PDE1C: variants seen among roughly 807,000 people sequenced by gnomAD.
The protein encoded by PDE1C is phosphodiesterase 1C, also known as dual specificity calcium/calmodulin-dependent 3',5'-cyclic nucleotide phosphodiesterase 1C.
In PDE1C, 62 loss-of-function variants were observed where a neutral mutation model predicts 93.1. That is an observed-to-expected ratio of 0.67 (90% CI 0.54 to 0.82). The LOEUF (loss-of-function observed/expected upper bound fraction) is 0.82, where lower values mean the gene tolerates loss of function less well. Ranked by LOEUF, PDE1C falls within the 40% of genes least tolerant of loss-of-function variation. The probability of loss-of-function intolerance (pLI) is 0.00; values close to 1 mark genes in which losing one functional copy is unlikely to be tolerated. For missense variants in PDE1C, 742 were observed against 884.6 expected (o/e 0.84, Z 2.04); for synonymous variants, 325 against 310.1 (o/e 1.05, Z -0.50).
At chr7:32,186,855 T>C (rs998858765) in intron 2 of PDE1C, among the ~76,000 whole-genome samples, 22 of 152,214 alleles carry the variant, frequency 1.4e-4, no homozygotes, top group African/African-American at 4.8e-4. Flanking sequence ...ACGCAAGATC[T>C]ATCCTATGGC....
At chr7:32,027,447 C>G (rs942467729) in intron 2 of PDE1C, among the ~76,000 whole-genome samples, 1 of 151,668 alleles carries the variant, frequency 6.6e-6, no homozygotes, top group African/African-American at 2.4e-5. Context: ...TTTGTTTGTG[C>G]TTATATGTGT....
chr7:32,273,599 G>C (rs1811103494), intron 1 of PDE1C, among the ~76,000 whole-genome samples: 1 of 152,194 alleles, frequency 6.6e-6, no homozygotes, highest in South Asian at 2.1e-4. Context: ...TCAGGGCTCA[G>C]GTGGCAGGAC....
intron 1 of PDE1C, among the ~76,000 whole-genome samples, chr7:32,393,013 C>T (rs954344360): frequency 1.5e-4 from 20 of 132,352 alleles, no homozygotes; most frequent in African/African-American, 4.2e-4. Context: ...TATGCCACTG[C>T]ACTCCAGCCT....
intron 2 of PDE1C, among the ~76,000 whole-genome samples, chr7:31,949,587 T>C (rs1236193394): frequency 6.6e-6 from 1 of 152,238 alleles, no homozygotes; most frequent in Admixed American, 6.5e-5. Flanking sequence ...CATGTAATAG[T>C]GTGTCTTAAG....
rs575896243 is a variant in PDE1C at position 32,389,157 on chromosome 7, CGTGTGTGTGT to C, written c.310+38655_310+38664del. On this transcript the variant is annotated intron_variant, in intron 1 of 1. Transcript: ENST00000672256. ...GAACAACCTTTAAACTGATAGCTGA[CGTGTGTGTGT>C]GTGTGTGTGTGTGTGTGTGTGTGGT... 2.9e-5 allele frequency among the ~76,000 whole-genome samples: 4 copies of C among 135,698 alleles called. No individual in the cohort carries two copies. The South Asian group carries it at 7.6e-4, about 26-fold the overall frequency. The allele number at this position is 135,698 out of a possible 152,430, so 89.0% of individuals were successfully genotyped here. A position where few individuals can be genotyped will look rare whatever the true frequency, so the allele number is the denominator to read the frequency against.
At chr7:31,846,624 C>G (rs1336343907) in intron 9 of PDE1C, among the ~76,000 whole-genome samples, 1 of 152,082 alleles carries the variant, frequency 6.6e-6, no homozygotes, top group Non-Finnish European at 1.5e-5. Flanking sequence ...CCAGAATTGA[C>G]AAATGGGATG....
upstream of PDE1C, among the ~76,000 whole-genome samples, chr7:32,074,801 G>A (rs1796260245): frequency 6.6e-6 from 1 of 152,198 alleles, no homozygotes; most frequent in Non-Finnish European, 1.5e-5. Context: ...ATGAAAAGAG[G>A]CACAGAAACA....
intron 3 of PDE1C, among the ~76,000 whole-genome samples, chr7:32,169,230 G>A (rs558751820): frequency 6.6e-6 from 1 of 152,240 alleles, no homozygotes; most frequent in Non-Finnish European, 1.5e-5. Flanking sequence ...TGAAAATGGA[G>A]TGCAATGCCG....
chr7:32,266,326 G>A lies in PDE1C; in HGVS notation c.85+32325C>T, dbSNP rs147370380. ...AAAAGAAATCGCCTTTTGAGAGCCT[G>A]CCATAAGCCCTGGAACCCAGTTGAG... On this transcript the variant is annotated intron_variant, in intron 1 of 18. Coordinates refer to the PDE1C transcript ENST00000396193. Among the ~76,000 whole-genome samples, 444 of 151,774 alleles carry A rather than the reference G, an allele frequency of 2.9e-3. 2 individuals are homozygous for A. The highest frequency in any genetic ancestry group is 4.6e-3 in the Non-Finnish European group (311 of 67,898).
intron 2 of PDE1C, among the ~76,000 whole-genome samples, chr7:31,974,908 A>G (rs868527743): frequency 7.9e-5 from 12 of 152,360 alleles, no homozygotes; most frequent in African/African-American, 2.4e-4. Context: ...ACAGCTCAAT[A>G]AAACTATTTG....
rs1032517776 is a variant in PDE1C, at chr7:31,905,388, T to C, written c.129-24528A>G. 2.0e-5 allele frequency among the ~76,000 whole-genome samples: 3 copies of C among 152,200 alleles called. No homozygotes were observed. In the South Asian group the frequency reaches 6.2e-4, roughly 31 times the overall value. ...ATTAAAAAAAATGTTATGCCATCTA[T>C]TTTTACAAAACTTTTAGAGATGAAA... On this transcript the variant is annotated intron_variant, in intron 2 of 17. Coordinates refer to ENST00000396191, the MANE Select transcript of PDE1C (RefSeq NM_001191057.4).
At chr7:31,904,024 T>C (rs957784873) in intron 2 of PDE1C, among the ~76,000 whole-genome samples, 1 of 152,190 alleles carries the variant, frequency 6.6e-6, no homozygotes, top group Non-Finnish European at 1.5e-5. Context: ...CAAATGTATG[T>C]CATTTATAAT....
At chr7:31,778,625 C>A (rs1783178747) in intron 16 of PDE1C, among the ~76,000 whole-genome samples, 1 of 152,166 alleles carries the variant, frequency 6.6e-6, no homozygotes, top group Non-Finnish European at 1.5e-5. Flanking sequence ...AGGTTGCAGA[C>A]AGGGCTTCAA....
chr7:32,364,373 G>C (rs1227845406), intron 1 of PDE1C, among the ~76,000 whole-genome samples: 4 of 152,212 alleles, frequency 2.6e-5, no homozygotes, highest in African/African-American at 9.7e-5. Flanking sequence ...AGGAGGGAGA[G>C]TGCTAGAGTG....
At chr7:31,760,561 AC>A (rs1794767797) in intron 17 of PDE1C, among the ~76,000 whole-genome samples, 1 of 151,962 alleles carries the variant, frequency 6.6e-6, no homozygotes, top group Non-Finnish European at 1.5e-5. Flanking sequence ...GGTTTTCTGA[AC>A]CTCTTCAGGT....
At chr7:32,130,599 A>G (rs2128771136) in intron 3 of PDE1C, among the ~76,000 whole-genome samples, 1 of 152,154 alleles carries the variant, frequency 6.6e-6, no homozygotes, top group African/African-American at 2.4e-5. Context: ...TAATCTCCAC[A>G]GTCCTTCACT....
intron 1 of PDE1C, among the ~76,000 whole-genome samples, chr7:32,287,492 A>G (rs1275350642): frequency 6.6e-6 from 1 of 152,252 alleles, no homozygotes; most frequent in Non-Finnish European, 1.5e-5. Context: ...GACTAAGCAC[A>G]GTTATACCAA....
In PDE1C at chr7:32,167,604, G is replaced by A. The variant is rs76321395; in HGVS notation, c.308+2181C>T. Among the ~76,000 whole-genome samples, 10 of 152,272 alleles carry A rather than the reference G, an allele frequency of 6.6e-5. No homozygotes were observed. The South Asian group carries it at 2.1e-3, about 32-fold the overall frequency. On this transcript the variant is annotated intron_variant, in intron 3 of 18. Coordinates refer to the PDE1C transcript ENST00000396193. ...ATTCTTGAACCCAGCCTGTCAATAAGGCTGGGGGTCCCTGTGAATAGTGAG... is the reference window on the plus strand; with the variant it reads ...ATTCTTGAACCCAGCCTGTCAATAAAGCTGGGGGTCCCTGTGAATAGTGAG...
chr7:31,749,594 A>G (rs2128590309), downstream of PDE1C, among the ~76,000 whole-genome samples: 1 of 152,194 alleles, frequency 6.6e-6, no homozygotes, highest in East Asian at 1.9e-4. Context: ...CATTCACAGG[A>G]ATTTGAATGC....
Sources: allele counts gnomAD v4.1 joint callset (sites outside exome capture counted in the v4.1 genomes callset), GRCh38; gene constraint gnomAD v4.1.1; transcripts MANE v1.5; gene names NCBI Gene and HGNC (gene_info 2026-07-23, HGNC 2026-07-21).